The following WDR89 variants were observed in gnomAD, a reference collection of about 807,000 sequenced individuals.
WDR89 encodes WD repeat-containing protein 89.
In WDR89, 17 loss-of-function variants were observed where a neutral mutation model predicts 29.1. That is an observed-to-expected ratio of 0.58 (90% confidence interval 0.40 to 0.88). The LOEUF is 0.88. Ranked by LOEUF, WDR89 falls within the 40% of genes least tolerant of loss-of-function variation. The pLI is 0.00. For missense variants in WDR89, 396 were observed against 456.3 expected, an observed-to-expected ratio of 0.87 and a Z score of 1.20; for synonymous variants, 138 against 157.8, an observed-to-expected ratio of 0.87 and a Z score of 0.94.
chr14:63,636,783 C>T (rs146030243), intron 1 of WDR89, among the ~76,000 whole-genome samples: 1,833 of 152,286 alleles, frequency 0.012, 34 homozygotes, highest in African/African-American at 0.042. Context: ...GGATTAAGGA[C>T]TTAAACCTAA....
At chr14:63,633,511 G>A (rs1883537865) in intron 1 of WDR89, among the ~76,000 whole-genome samples, 1 of 152,146 alleles carries the variant, frequency 6.6e-6, no homozygotes, top group Non-Finnish European at 1.5e-5. Flanking sequence ...GACAGCTACA[G>A]ACTTTGTTTT....
chr14:63,600,049 T>G, intron 2 of WDR89, 76 bp from the exon 3 acceptor site: 1 of 907,228 alleles, frequency 1.1e-6, no homozygotes, highest in Non-Finnish European at 1.5e-6. Context: ...TAACTTGAAG[T>G]TTCTCTAAAA....
chr14:63,618,852 C>T (rs1436971008), intron 2 of WDR89, among the ~76,000 whole-genome samples: 5 of 152,108 alleles, frequency 3.3e-5, no homozygotes, highest in Non-Finnish European at 7.4e-5. Flanking sequence ...TCTGAAGAAT[C>T]TTAACGGCAT....
intron 1 of WDR89, among the ~76,000 whole-genome samples, chr14:63,626,173 C>T (rs1271160217): frequency 2.6e-5 from 4 of 151,736 alleles, no homozygotes; most frequent in Admixed American, 2.6e-4. Flanking sequence ...AAGTGAGAGA[C>T]CTGATTAGAC....
At chr14:63,610,697 CTTTTCTTTTTTT>C (rs999856045) in intron 2 of WDR89, among the ~76,000 whole-genome samples, 1 of 143,350 alleles carries the variant, frequency 7.0e-6, no homozygotes, top group African/African-American at 2.6e-5. Context: ...CTTTTCTTTT[CTTTTCTTTTTTT>C]TTTTTTTTTT....
At chr14:63,612,125 C>G (rs1882027010) in intron 2 of WDR89, among the ~76,000 whole-genome samples, 1 of 151,994 alleles carries the variant, frequency 6.6e-6, no homozygotes, top group Non-Finnish European at 1.5e-5. Flanking sequence ...CTGAAAAGCC[C>G]TTCGGTCAAA....
intron 2 of WDR89, among the ~76,000 whole-genome samples, chr14:63,624,009 C>G (rs1882879126): frequency 6.6e-6 from 1 of 151,984 alleles, no homozygotes. Flanking sequence ...CAAAATGGAT[C>G]ATAGACCTAA....
chr14:63,611,335 C>CAAAAAA (rs769975882), intron 2 of WDR89, among the ~76,000 whole-genome samples: 5 of 22,902 alleles, frequency 2.2e-4, no homozygotes, highest in African/African-American at 3.7e-4. Context: ...GGCCCTGTCG[C>CAAAAAA]AAAAAAAAAA....
chr14:63,633,192 T>C (rs1883518145), intron 1 of WDR89, among the ~76,000 whole-genome samples: 1 of 152,064 alleles, frequency 6.6e-6, no homozygotes, highest in Admixed American at 6.6e-5. Flanking sequence ...CAGAATAAAC[T>C]AGTATTTGAC....
intron 1 of WDR89, among the ~76,000 whole-genome samples, chr14:63,634,214 C>T (rs1010875173): frequency 1.3e-5 from 2 of 152,172 alleles, no homozygotes; most frequent in Non-Finnish European, 1.5e-5. Context: ...TGGCGAAACC[C>T]TGTCTCTACT....
At chr14:63,636,935 A>T (rs1296933818) in intron 1 of WDR89, among the ~76,000 whole-genome samples, 5 of 152,256 alleles carry the variant, frequency 3.3e-5, no homozygotes, top group Non-Finnish European at 7.3e-5. Flanking sequence ...TAAACTAAAG[A>T]GCTTTTGCAC....
chr14:63,630,457 A>G (rs907288901), intron 1 of WDR89, among the ~76,000 whole-genome samples: 8 of 151,484 alleles, frequency 5.3e-5, no homozygotes, highest in Non-Finnish European at 1.0e-4. Context: ...AGCCTGGCCA[A>G]CATGGTGAAA....
At chr14:63,619,215 C>T (rs963280248) in intron 2 of WDR89, among the ~76,000 whole-genome samples, 3 of 152,076 alleles carry the variant, frequency 2.0e-5, no homozygotes, top group African/African-American at 4.8e-5. Context: ...CCAGGCCTGA[C>T]GCTAAGCACA....
intron 2 of WDR89, among the ~76,000 whole-genome samples, chr14:63,601,285 T>C (rs937731262): frequency 6.6e-6 from 1 of 151,682 alleles, no homozygotes; most frequent in African/African-American, 2.4e-5. Flanking sequence ...CCTGGAGAAG[T>C]CCTTCTAAGG....
At chr14:63,607,410 G>A (rs1233292446) in intron 2 of WDR89, among the ~76,000 whole-genome samples, 3 of 151,904 alleles carry the variant, frequency 2.0e-5, no homozygotes, top group African/African-American at 4.8e-5. Context: ...TGATCTGTCC[G>A]CCTCCGCCTC....
intron 2 of WDR89, among the ~76,000 whole-genome samples, chr14:63,619,634 A>G (rs1037338749): frequency 1.3e-5 from 2 of 152,166 alleles, no homozygotes; most frequent in Non-Finnish European, 2.9e-5. Context: ...CTCAAAACAG[A>G]AGACAACAAG....
Position 63,598,535 on chromosome 14 carries a change from A to T in WDR89, c.*244T>A, listed in dbSNP as rs929582555. The T allele has an allele frequency of 3.1e-6, 1 of 318,250 alleles. No individual in the cohort carries two copies. The highest frequency in any genetic ancestry group is 2.1e-5 in the African/African-American group (1 of 46,776). The allele number at this position is 318,250 out of a possible 1,614,324, so 19.7% of individuals were successfully genotyped here. ...TTTCTTTAAAGCCAACATTTACTACATTAACAGATGGGTTCTTTAAATAAG... is the reference window on the plus strand; with the variant it reads ...TTTCTTTAAAGCCAACATTTACTACTTTAACAGATGGGTTCTTTAAATAAG... On this transcript the variant is annotated 3_prime_UTR_variant, in exon 3 of 3. Transcript: ENST00000620954.
intron 1 of WDR89, among the ~76,000 whole-genome samples, chr14:63,626,676 CAAAAAAAAAAAAAAAA>C (rs35582220): frequency 0.015 from 506 of 34,626 alleles, 13 homozygotes; most frequent in African/African-American, 0.035. Flanking sequence ...GAGACTGTCT[CAAAAAAAAAAAAAAAA>C]AAAAAAAAAA....
At chr14:63,638,818 C>T (rs568257474) in intron 1 of WDR89, among the ~76,000 whole-genome samples, 1 of 152,284 alleles carries the variant, frequency 6.6e-6, no homozygotes, top group South Asian at 2.1e-4. Flanking sequence ...ATGTTTTACT[C>T]TTCTTTATAC....
Sources: gnomAD v4.1 joint callset for allele counts (sites outside exome capture counted in the v4.1 genomes callset) on GRCh38, gnomAD v4.1.1 for gene constraint, MANE v1.5 for transcripts, NCBI Gene and HGNC (gene_info 2026-07-23, HGNC 2026-07-21) for gene names.